Variants in CCNT1 observed in about 807,000 individuals in gnomAD.
The protein encoded by CCNT1 is cyclin T1.
CCNT1 carries 18 observed loss-of-function variants against 67.3 expected under a neutral mutation model. The ratio of observed to expected loss-of-function variants is 0.27; its 90% CI spans 0.18 to 0.40. The LOEUF is 0.40. Ranked by LOEUF, CCNT1 falls within the 10% of genes least tolerant of loss-of-function variation. CCNT1 has a pLI of 1.00. For missense variants in CCNT1, 744 were observed against 884.9 expected (o/e 0.84, Z 2.02); for synonymous variants, 333 against 310.3 (o/e 1.07, Z -0.77).
At chr12:48,705,201 T>C (rs1940335644) in intron 3 of CCNT1, among the ~76,000 whole-genome samples, 1 of 152,172 alleles carries the variant, frequency 6.6e-6, no homozygotes, top group Non-Finnish European at 1.5e-5. Context: ...AGCCTCAACA[T>C]CCCATGCTCA....
chr12:48,712,030 G>A (rs936012934), intron 2 of CCNT1, among the ~76,000 whole-genome samples: 3 of 152,044 alleles, frequency 2.0e-5, no homozygotes, highest in African/African-American at 4.8e-5. Context: ...TGCTGACCTC[G>A]TGATCCGCCC....
intron 3 of CCNT1, among the ~76,000 whole-genome samples, chr12:48,701,742 G>T (rs1193552200): frequency 6.6e-6 from 1 of 151,964 alleles, no homozygotes; most frequent in Non-Finnish European, 1.5e-5. Flanking sequence ...GAGTAGCTGG[G>T]ATTACAGGCA....
intron 6 of CCNT1, among the ~76,000 whole-genome samples, chr12:48,697,534 A>AATATATATATATAT (rs771889041): frequency 5.4e-5 from 7 of 130,690 alleles, no homozygotes; most frequent in African/African-American, 2.1e-4. Flanking sequence ...AAAAAAAAAA[A>AATATATATATATAT]ATATATATAT....
At chr12:48,706,045 C>A (rs1940353020) in intron 2 of CCNT1, 149 bp from the exon 3 acceptor site, 1 of 627,722 alleles carries the variant, frequency 1.6e-6, no homozygotes. Flanking sequence ...CCCGCTTCTA[C>A]CATCTTCCCC....
At chr12:48,698,667 T>C (rs1395899246) in intron 5 of CCNT1, among the ~76,000 whole-genome samples, 6 of 152,130 alleles carry the variant, frequency 3.9e-5, no homozygotes, top group Non-Finnish European at 5.9e-5. Flanking sequence ...TAAGAAAGTT[T>C]TTAATTAAGG....
intron 8 of CCNT1, among the ~76,000 whole-genome samples, chr12:48,695,060 T>C (rs185731818): frequency 5.9e-5 from 9 of 152,208 alleles, no homozygotes; most frequent in African/African-American, 2.2e-4. Context: ...CTGACCTCAG[T>C]TGATCCGCCT....
In CCNT1 at chr12:48,690,469, G is replaced by C. The variant is rs1342113133; in HGVS notation, c.*2564C>G. On this transcript the variant is annotated 3_prime_UTR_variant, in exon 9 of 9. Coordinates refer to ENST00000261900, the MANE Select transcript of CCNT1 (RefSeq NM_001240.4). ...TGGACAATACACATGCTAGTTGACA[G>C]GCACATCTGTTAACCCAAAAACAAA... The C allele has an allele frequency of 1.3e-5, 2 of 152,280 alleles. 1 individual carries two copies. Among genetic ancestry groups the C allele is most frequent in the East Asian group, 3.9e-4 (2 of 5,192 alleles). 9.4% of individuals were successfully genotyped at this position (152,280 alleles called of 1,614,324 possible). A position where few individuals can be genotyped will look rare whatever the true frequency, so the allele number is the denominator to read the frequency against.
At position 48,691,560 on chromosome 12, in the gene CCNT1, A is replaced by C. The variant is rs930680743; in HGVS notation, c.*1473T>G. On this transcript the variant is annotated 3_prime_UTR_variant, in exon 9 of 9. Coordinates refer to ENST00000261900, the MANE Select transcript of CCNT1 (RefSeq NM_001240.4). ...AGATTTTCTGAAAGATTTATTAAAA[A>C]TGTTCACTCCTAATATCTGGGATAA... The C allele has an allele frequency of 6.6e-6, 1 of 152,232 alleles. No homozygotes were observed. Among genetic ancestry groups the C allele is most frequent in the African/African-American group, 2.4e-5 (1 of 41,456 alleles). The allele number at this position is 152,232 out of a possible 1,614,324, so 9.4% of individuals were successfully genotyped here.
In CCNT1 at chr12:48,691,567, C is replaced by T. The variant is rs1940074057; in HGVS notation, c.*1466G>A. 1 of 152,188 alleles carries T rather than the reference C, an allele frequency of 6.6e-6. No homozygotes were observed. Among genetic ancestry groups the T allele is most frequent in the African/African-American group, 2.4e-5 (1 of 41,448 alleles). 9.4% of individuals were successfully genotyped at this position (152,188 alleles called of 1,614,324 possible). On this transcript the variant is annotated 3_prime_UTR_variant, in exon 9 of 9. Coordinates refer to ENST00000261900, the MANE Select transcript of CCNT1 (RefSeq NM_001240.4). ...CTGAAAGATTTATTAAAAATGTTCA[C>T]TCCTAATATCTGGGATAATCAAGCC...
At chr12:48,700,336 A>G (rs1361399182) in intron 4 of CCNT1, among the ~76,000 whole-genome samples, 3 of 149,982 alleles carry the variant, frequency 2.0e-5, no homozygotes, top group Non-Finnish European at 3.0e-5. Context: ...AAAAAAAAAG[A>G]AAAAGAAAAA....
intron 5 of CCNT1, among the ~76,000 whole-genome samples, 198 bp from the exon 6 acceptor site, chr12:48,698,381 A>G (rs547433146): frequency 9.2e-5 from 14 of 152,312 alleles, no homozygotes; most frequent in African/African-American, 3.4e-4. Context: ...TAATTTTAAC[A>G]TTAATAACTA....
chr12:48,693,416 G>A lies in CCNT1; in HGVS notation c.1798C>T (p.Leu600=), dbSNP rs774607858. 6 of 1,614,212 alleles carry A rather than the reference G, an allele frequency of 3.7e-6. No homozygotes were observed. In the South Asian group the frequency reaches 6.6e-5, roughly 18 times the overall value. Residue 600 remains leucine, a synonymous_variant, in exon 9 of 9, where the codon CTA becomes TTA. Coordinates refer to ENST00000261900, the MANE Select transcript of CCNT1 (RefSeq NM_001240.4). ...GGAAGTGAAGGGAAGGAGAAATTTA[G>A]GGAAGAGGATTTAGTACTCTTGGCA... is the stretch of plus-strand genomic sequence containing the variant. The part of the protein sequence containing the change: ...KIAKSTKSSS[L]NFSFPSLPTM...
intron 3 of CCNT1, among the ~76,000 whole-genome samples, chr12:48,702,060 C>A (rs1045247186): frequency 6.6e-6 from 1 of 152,102 alleles, no homozygotes; most frequent in Non-Finnish European, 1.5e-5. Context: ...CCACGCCCGG[C>A]TAGTTTTTGT....
intron 3 of CCNT1, among the ~76,000 whole-genome samples, chr12:48,705,040 A>G (rs1248442921): frequency 1.3e-5 from 2 of 152,214 alleles, no homozygotes; most frequent in African/African-American, 2.4e-5. Flanking sequence ...GGTCTAGAAT[A>G]TATCTGAGAG....
chr12:48,706,915 T>C (rs886128823), intron 2 of CCNT1, among the ~76,000 whole-genome samples: 1 of 152,072 alleles, frequency 6.6e-6, no homozygotes, highest in African/African-American at 2.4e-5. Flanking sequence ...TAAAACAAAA[T>C]TTTTTTAGGC....
Position 48,693,021 on chromosome 12 carries a change from CTTTTT to C in CCNT1, c.*7_*11del. On this transcript the variant is annotated 3_prime_UTR_variant, in exon 9 of 9. Coordinates refer to ENST00000261900, the MANE Select transcript of CCNT1 (RefSeq NM_001240.4). ...TTTAAAGAAGTTTTTTTCTCCTCTT[CTTTTT>C]CTTTTTTTACTTAGGAAGGGGTGGA... 2 of 1,461,560 alleles carry C rather than the reference CTTTTT, an allele frequency of 1.4e-6. No homozygotes were observed. The highest frequency in any genetic ancestry group is 1.8e-6 in the Non-Finnish European group (2 of 1,088,802). The allele number at this position is 1,461,560 out of a possible 1,614,324, so 90.5% of individuals were successfully genotyped here. A position where few individuals can be genotyped will look rare whatever the true frequency, so the allele number is the denominator to read the frequency against.
chr12:48,712,595 T>TAAA (rs759919820), intron 2 of CCNT1, among the ~76,000 whole-genome samples: 5 of 33,380 alleles, frequency 1.5e-4, no homozygotes, highest in Admixed American at 9.9e-4. Context: ...AAAAAAAAAA[T>TAAA]AAAAAAAAAA....
At chr12:48,698,274 T>C in intron 5 of CCNT1, 91 bp from the exon 6 acceptor site, 2 of 936,848 alleles carry the variant, frequency 2.1e-6, no homozygotes, top group Non-Finnish European at 1.6e-6. Flanking sequence ...GCATTTAATA[T>C]TTGCAAGGTA....
intron 2 of CCNT1, among the ~76,000 whole-genome samples, chr12:48,706,756 T>C (rs1157558235): frequency 2.0e-5 from 3 of 152,196 alleles, no homozygotes; most frequent in Admixed American, 2.0e-4. Context: ...TTTAAATATA[T>C]ATTTCATTTT....
Sources: allele counts gnomAD v4.1 joint callset (sites outside exome capture counted in the v4.1 genomes callset), GRCh38; gene constraint gnomAD v4.1.1; transcripts MANE v1.5; gene names NCBI Gene and HGNC (gene_info 2026-07-23, HGNC 2026-07-21).